SIDT1: variants seen among roughly 807,000 people sequenced by gnomAD.
SIDT1 encodes SID1 transmembrane family member 1.
Under a neutral mutation model 107.5 loss-of-function variants are expected in SIDT1, and 101 were observed. The ratio of observed to expected loss-of-function variants is 0.94; its 90% CI spans 0.80 to 1.11. SIDT1 has a LOEUF of 1.11. SIDT1 is among the 50% of genes least tolerant of loss of function. The probability of loss-of-function intolerance (pLI) is 0.00; values close to 1 mark genes in which losing one functional copy is unlikely to be tolerated. For missense variants in SIDT1, 1,076 were observed against 1,058.2 expected (o/e 1.02, Z -0.23); for synonymous variants, 395 against 398.2 (o/e 0.99, Z 0.10).
intron 19 of SIDT1, 94 bp downstream of exon 19, chr3:113,612,288 G>C (rs1945813650): frequency 1.1e-6 from 1 of 884,402 alleles, no homozygotes; most frequent in South Asian, 1.4e-5. Flanking sequence ...AAGTGTCACT[G>C]GTCACCGTGA....
At chr3:113,615,093 C>T in intron 19 of SIDT1, 1 of 1,535,384 alleles carries the variant, frequency 6.5e-7, no homozygotes, top group South Asian at 1.2e-5. Context: ...GTTCAGCCAC[C>T]CTTTCCAGGG....
At chr3:113,598,555 A>G (rs1944739738) in intron 10 of SIDT1, among the ~76,000 whole-genome samples, 1 of 152,234 alleles carries the variant, frequency 6.6e-6, no homozygotes, top group Non-Finnish European at 1.5e-5. Context: ...ATACAATTAA[A>G]AAATCTTTTT....
chr3:113,567,647 C>A lies in SIDT1; in HGVS notation c.452C>A (p.Ser151Tyr), dbSNP rs774565755. The part of the protein sequence containing the change: ...LQQLIFVDVA[S>Y]MAPLGAQYKL... ...CAACTGATATTTGTAGATGTCGCAT[C>A]CATGGCACCCCTGGGTGCTCAGTAC... Residue 151 changes from serine to tyrosine, a missense_variant, in exon 3 of 25, where the codon TCC becomes TAC. Ser to Tyr is a moderately radical substitution (Grantham distance 144). Transcript: ENST00000264852. 22 of 1,613,962 alleles carry A rather than the reference C, an allele frequency of 1.4e-5. No individual in the cohort carries two copies. The East Asian group carries it at 4.9e-4, about 36-fold the overall frequency.
chr3:113,593,151 C>T, intron 10 of SIDT1, 103 bp downstream of exon 10: 1 of 972,066 alleles, frequency 1.0e-6, no homozygotes, highest in East Asian at 2.4e-5. Flanking sequence ...TTTACAAACC[C>T]TCCCTTGATT....
chr3:113,593,145 C>G, intron 10 of SIDT1, 97 bp downstream of exon 10: 1 of 1,019,872 alleles, frequency 9.8e-7, no homozygotes, highest in African/African-American at 1.6e-5. Context: ...TTGCAATTTA[C>G]AAACCCTCCC....
chr3:113,545,573 T>C (rs1192941097), intron 1 of SIDT1, among the ~76,000 whole-genome samples: 1 of 152,222 alleles, frequency 6.6e-6, no homozygotes, highest in Non-Finnish European at 1.5e-5. Context: ...TTTCAGTGGC[T>C]TTTAAGGAAT....
intron 1 of SIDT1, among the ~76,000 whole-genome samples, chr3:113,536,548 A>C (rs192758991): frequency 2.0e-5 from 3 of 152,322 alleles, no homozygotes; most frequent in Admixed American, 2.0e-4. Flanking sequence ...AGTCTATTCT[A>C]AGTTTAGGCT....
At chr3:113,588,741 G>A (rs574677976) in intron 9 of SIDT1, 1 of 150,498 alleles carries the variant, frequency 6.6e-6, no homozygotes, top group African/African-American at 2.4e-5. Flanking sequence ...AATCCAAACT[G>A]CCCAATCCAG....
chr3:113,589,370 TAA>T (rs1943972113), intron 9 of SIDT1, among the ~76,000 whole-genome samples: 1 of 152,300 alleles, frequency 6.6e-6, no homozygotes, highest in African/African-American at 2.4e-5. Flanking sequence ...CAAACTTGGG[TAA>T]AGTCTGTGAA....
intron 9 of SIDT1, 58 bp from the exon 10 acceptor site, chr3:113,592,947 A>C: frequency 2.3e-6 from 3 of 1,328,400 alleles, no homozygotes; most frequent in Non-Finnish European, 3.3e-6. Context: ...ATAAGGAACA[A>C]ATGTAAAATG....
intron 1 of SIDT1, among the ~76,000 whole-genome samples, chr3:113,540,133 C>CA (rs1938644098): frequency 6.6e-6 from 1 of 152,126 alleles, no homozygotes; most frequent in Non-Finnish European, 1.5e-5. Flanking sequence ...ACAGAGATCA[C>CA]ATGGTGAGAG....
chr3:113,599,131 G>T (rs1944778284), intron 10 of SIDT1, among the ~76,000 whole-genome samples: 1 of 152,088 alleles, frequency 6.6e-6, no homozygotes, highest in African/African-American at 2.4e-5. Context: ...CCAGTCTCAA[G>T]AAATAAATAA....
rs752511951 is a variant in SIDT1 at position 113,604,001 on chromosome 3, A to T, written c.1305A>T (p.Arg435Ser). 2 of 1,609,306 alleles carry T rather than the reference A, an allele frequency of 1.2e-6. No individual in the cohort carries two copies. The highest frequency in any genetic ancestry group is 1.7e-5 in the Admixed American group (1 of 59,774). The change falls in exon 13 of 25, where the codon AGA (arginine) becomes AGT (serine). Residue 435 changes from arginine to serine, a missense_variant. Physicochemically the swap from Arg to Ser is moderately radical, Grantham distance 110. Coordinates refer to ENST00000264852, the MANE Select transcript of SIDT1 (RefSeq NM_017699.3). ...YLSDLSRKDR[R>S]IVSKKYKIYF... ...CAGATTTGTCCAGGAAGGACCGGAG[A>T]ATTGTCAGCAAAAAATATAAAATTT...
intron 23 of SIDT1, among the ~76,000 whole-genome samples, chr3:113,625,250 C>T (rs950821206): frequency 2.6e-5 from 4 of 152,104 alleles, no homozygotes; most frequent in Non-Finnish European, 4.4e-5. Flanking sequence ...GATTCTCCTG[C>T]CTCACCCTCC....
chr3:113,543,641 C>T (rs765923161), intron 1 of SIDT1, among the ~76,000 whole-genome samples: 8 of 150,712 alleles, frequency 5.3e-5, no homozygotes, highest in Non-Finnish European at 1.2e-4. Context: ...AGGGGATATT[C>T]AGAAAGATTA....
At chr3:113,582,470 T>C (rs1943432512) in intron 6 of SIDT1, among the ~76,000 whole-genome samples, 1 of 152,364 alleles carries the variant, frequency 6.6e-6, no homozygotes, top group Admixed American at 6.5e-5. Context: ...TGTTTTTCAG[T>C]ATTTCTTTCT....
chr3:113,570,255 C>G (rs541829741), intron 3 of SIDT1, among the ~76,000 whole-genome samples: 14 of 152,276 alleles, frequency 9.2e-5, no homozygotes, highest in African/African-American at 3.4e-4. Flanking sequence ...TATGGGAATA[C>G]ACATTTGATG....
At chr3:113,565,801 C>A (rs1051371236) in intron 1 of SIDT1, among the ~76,000 whole-genome samples, 1 of 152,142 alleles carries the variant, frequency 6.6e-6, no homozygotes, top group Admixed American at 6.5e-5. Context: ...GAACATCAGG[C>A]CATCTGTTAG....
chr3:113,620,918 TG>T (rs1480129731), intron 21 of SIDT1, among the ~76,000 whole-genome samples: 5 of 152,274 alleles, frequency 3.3e-5, no homozygotes, highest in Non-Finnish European at 7.4e-5. Flanking sequence ...ATCCACGATC[TG>T]CTCACAAGAC....
Sources: allele counts gnomAD v4.1 joint callset (sites outside exome capture counted in the v4.1 genomes callset), GRCh38; gene constraint gnomAD v4.1.1; transcripts MANE v1.5; gene names NCBI Gene and HGNC (gene_info 2026-07-23, HGNC 2026-07-21).